Variants in UNC5B observed in about 807,000 individuals in gnomAD.
UNC5B encodes the protein netrin receptor UNC5B.
UNC5B carries 56 observed loss-of-function variants against 103.7 expected under a neutral mutation model. The ratio of observed to expected loss-of-function variants is 0.54; its 90% confidence interval spans 0.44 to 0.67. UNC5B has a LOEUF of 0.67. UNC5B is among the 30% of genes least tolerant of loss of function. UNC5B has a pLI of 0.00. For synonymous variants in UNC5B, 577 were observed against 542.0 expected (o/e 1.06, Z -0.90); for missense variants, 1,194 against 1,284.5 (o/e 0.93, Z 1.08).
At chr10:71,292,385 C>A (rs1246529645) in intron 10 of UNC5B, 82 bp from the exon 11 acceptor site, 1 of 1,247,286 alleles carries the variant, frequency 8.0e-7, no homozygotes, top group Admixed American at 2.0e-5. Flanking sequence ...TCTTTCTCTC[C>A]CAGCCCCAAG....
intron 2 of UNC5B, among the ~76,000 whole-genome samples, chr10:71,281,053 C>T (rs990943698): frequency 2.3e-4 from 35 of 152,042 alleles, no homozygotes; most frequent in African/African-American, 8.2e-4. Flanking sequence ...TTCTTTTTCT[C>T]TTCATCCCCC....
intron 1 of UNC5B, among the ~76,000 whole-genome samples, chr10:71,269,982 A>G (rs1249085592): frequency 1.3e-5 from 2 of 152,278 alleles, no homozygotes; most frequent in South Asian, 2.1e-4. Flanking sequence ...AGAGACCAGC[A>G]GAGGCGCTGA....
intron 1 of UNC5B, among the ~76,000 whole-genome samples, chr10:71,251,429 G>A (rs1217474120): frequency 6.6e-6 from 1 of 152,138 alleles, no homozygotes; most frequent in Non-Finnish European, 1.5e-5. Context: ...AAGGCAAATT[G>A]GATTTTCTTC....
Position 71,299,615 on chromosome 10 carries a change from G to A in UNC5B, c.*338G>A, listed in dbSNP as rs1258362849. On this transcript the variant is annotated 3_prime_UTR_variant, in exon 17 of 17. Transcript: ENST00000335350. ...CCCTCCACCCCCCCACCCTCAGCCC[G>A]GCAACTTCTGGGTTCCATGGGTTTT... 17 of 245,152 alleles carry A rather than the reference G, an allele frequency of 6.9e-5. No individual in the cohort carries two copies. The highest frequency in any genetic ancestry group is 5.4e-5 in the Non-Finnish European group (7 of 129,286). 15.2% of individuals were successfully genotyped at this position (245,152 alleles called of 1,614,324 possible).
intron 5 of UNC5B, 56 bp downstream of exon 5, chr10:71,286,925 C>T (rs1589195216): frequency 1.3e-6 from 2 of 1,588,552 alleles, no homozygotes; most frequent in Non-Finnish European, 1.7e-6. Context: ...GAGGAGAGAG[C>T]CTGGGGGTAG....
intron 1 of UNC5B, among the ~76,000 whole-genome samples, chr10:71,267,119 C>G (rs1412289343): frequency 6.6e-6 from 1 of 152,226 alleles, no homozygotes; most frequent in African/African-American, 2.4e-5. Flanking sequence ...TAGAAATTAG[C>G]TAGTGCATAG....
chr10:71,243,561 G>A (rs1439007985), intron 1 of UNC5B, among the ~76,000 whole-genome samples: 3 of 152,218 alleles, frequency 2.0e-5, no homozygotes, highest in African/African-American at 7.2e-5. Flanking sequence ...GAAGGCTTCT[G>A]GGAAGATGCC....
At chr10:71,279,750 C>G in intron 1 of UNC5B, 71 bp from the exon 2 acceptor site, 1 of 1,509,124 alleles carries the variant, frequency 6.6e-7, no homozygotes, top group African/African-American at 1.4e-5. Context: ...GGTGGGCCCC[C>G]GGGGTGGGCG....
At chr10:71,272,922 C>T (rs905743482) in intron 1 of UNC5B, among the ~76,000 whole-genome samples, 3 of 151,324 alleles carry the variant, frequency 2.0e-5, no homozygotes, top group African/African-American at 7.3e-5. Flanking sequence ...TGGAGTCTTG[C>T]TCCATTGCCC....
rs542495645 is a variant in UNC5B at position 71,286,620 on chromosome 10, C to G, written c.553-69C>G. ...GACTATGGCGTGGACCCAGGTAGAA[C>G]TGCCCTTCTTCTGTTTATGATCAAA... On this transcript the variant is annotated intron_variant, in intron 4 of 16. Transcript: ENST00000335350. The G allele has an allele frequency of 3.2e-6, 5 of 1,583,062 alleles. No individual in the cohort carries two copies. The African/African-American group carries it at 6.7e-5, about 21-fold the overall frequency.
chr10:71,291,226 C>T (rs3740462), intron 9 of UNC5B, 117 bp downstream of exon 9: 1,071,047 of 1,385,456 alleles, frequency 0.77, 419,607 homozygotes, highest in Non-Finnish European at 0.8. Flanking sequence ...CCAGAGTTTG[C>T]TCTAGAGATA....
intron 1 of UNC5B, among the ~76,000 whole-genome samples, chr10:71,253,326 C>T (rs951584473): frequency 1.3e-5 from 2 of 152,232 alleles, no homozygotes; most frequent in African/African-American, 4.8e-5. Context: ...AAGGCCCAGG[C>T]CCAGGAGTAG....
rs549475791 is a variant in UNC5B at position 71,250,534 on chromosome 10, A to AGGAAAGTTTGAG, written c.80-29285_80-29284insAAAGTTTGAGGG. ...GCAGCAGTGGCAAACGGTTTATCTCAGGTGGCTGTTTTGAAAGTTTGAGGG... is the reference window on the plus strand; with the variant it reads ...GCAGCAGTGGCAAACGGTTTATCTCAGGAAAGTTTGAGGGTGGCTGTTTTGAAAGTTTGAGGG... On this transcript the variant is annotated intron_variant, in intron 1 of 16. Transcript: ENST00000335350. Among the ~76,000 whole-genome samples, 18 of 152,348 alleles carry AGGAAAGTTTGAG rather than the reference A, an allele frequency of 1.2e-4. 1 individual carries two copies. The South Asian group carries it at 3.5e-3, about 30-fold the overall frequency.
At chr10:71,234,648 C>G (rs1333518574) in intron 1 of UNC5B, among the ~76,000 whole-genome samples, 1 of 152,190 alleles carries the variant, frequency 6.6e-6, no homozygotes, top group Non-Finnish European at 1.5e-5. Flanking sequence ...GGGGAGAAGC[C>G]TAATAGCTCA....
In UNC5B at chr10:71,232,796, T is replaced by C. The variant is rs552395142; in HGVS notation, c.79+19732T>C. Among the ~76,000 whole-genome samples the C allele has an allele frequency of 5.6e-4, 85 of 152,346 alleles. No individual in the cohort carries two copies. The Middle Eastern group carries it at 0.014, about 24-fold the overall frequency. ...CCTCACTTCCCAGCACAGCCTGCCATGCAGCATGTCAGTGAATAAACCAAT... is the reference window on the plus strand; with the variant it reads ...CCTCACTTCCCAGCACAGCCTGCCACGCAGCATGTCAGTGAATAAACCAAT... On this transcript the variant is annotated intron_variant, in intron 1 of 16. Transcript: ENST00000335350.
chr10:71,262,245 C>T (rs1844429937), intron 1 of UNC5B, among the ~76,000 whole-genome samples: 1 of 152,044 alleles, frequency 6.6e-6, no homozygotes, highest in Admixed American at 6.6e-5. Context: ...CGGCTGGCAC[C>T]CGACACCCCC....
At chr10:71,227,598 A>C (rs1032386441) in intron 1 of UNC5B, among the ~76,000 whole-genome samples, 1 of 143,330 alleles carries the variant, frequency 7.0e-6, no homozygotes. Context: ...AATTTTGTAT[A>C]CATACATATA....
intron 8 of UNC5B, among the ~76,000 whole-genome samples, chr10:71,290,223 A>G (rs1239939468): frequency 1.3e-5 from 2 of 152,190 alleles, no homozygotes; most frequent in Non-Finnish European, 2.9e-5. Flanking sequence ...CTACCACTGT[A>G]GAAAGCTCCA....
intron 5 of UNC5B, among the ~76,000 whole-genome samples, chr10:71,287,297 G>A (rs1845113801): frequency 6.6e-6 from 1 of 152,174 alleles, no homozygotes; most frequent in Admixed American, 6.5e-5. Flanking sequence ...CCAGCTGCAG[G>A]CAGTCCCAGG....
Sources: gnomAD v4.1 joint callset for allele counts (sites outside exome capture counted in the v4.1 genomes callset) on GRCh38, gnomAD v4.1.1 for gene constraint, MANE v1.5 for transcripts, NCBI Gene and HGNC (gene_info 2026-07-23, HGNC 2026-07-21) for gene names.